PC: variants seen among roughly 807,000 people sequenced by gnomAD.
The protein encoded by PC is pyruvate carboxylase, also known as pyruvate carboxylase, mitochondrial.
PC carries 46 observed loss-of-function variants against 107.8 expected under a neutral mutation model. That is an observed-to-expected ratio of 0.43 (90% CI 0.34 to 0.55). PC has a LOEUF of 0.55. Ranked by LOEUF, PC falls within the 20% of genes least tolerant of loss-of-function variation. The pLI is 0.04. For synonymous variants in PC, 662 were observed against 684.7 expected (o/e 0.97, Z 0.52); for missense variants, 1,241 against 1,643.1 (o/e 0.76, Z 4.23).
At chr11:66,904,594 T>C (rs1453474294) in intron 3 of PC, among the ~76,000 whole-genome samples, 4 of 152,230 alleles carry the variant, frequency 2.6e-5, no homozygotes, top group African/African-American at 4.8e-5. Context: ...GCTGTGATTG[T>C]GCCACCACAC....
chr11:66,878,207 C>T (rs79826208), intron 3 of PC, among the ~76,000 whole-genome samples: 2,029 of 152,244 alleles, frequency 0.013, 45 homozygotes, highest in African/African-American at 0.046. Context: ...CCACTGGCAC[C>T]GAGATTCTCA....
chr11:66,851,130 G>A lies in PC; in HGVS notation c.2133C>T (p.Ala711=), dbSNP rs201327739. 15 of 1,612,770 alleles carry A rather than the reference G, an allele frequency of 9.3e-6. 1 individual carries two copies. The African/African-American group carries it at 1.1e-4, about 11-fold the overall frequency. The part of the protein sequence containing the change: ...EAAISYTGDV[A]DPSRTKYSLQ... ...GTGAGTACTTGGTGCGGCTGGGGTCGGCCACGTCGCCCGTGTATGAGATGG... is the reference window on the plus strand; with the variant it reads ...GTGAGTACTTGGTGCGGCTGGGGTCAGCCACGTCGCCCGTGTATGAGATGG... Residue 711 remains alanine, a synonymous_variant, in exon 17 of 23, where the codon GCC becomes GCT. Transcript: ENST00000393960.
chr11:66,851,166 C>G lies in PC; in HGVS notation c.2097G>C (p.Val699=). ...GMEAAGSAGG[V]VEAAISYTGD... is the part of the protein sequence containing the mutation. ...CCGTGTATGAGATGGCAGCCTCCAC[C>G]ACGCCTCCGGCACTTCCTGCCGCCT... Residue 699 remains valine, a synonymous_variant, in exon 17 of 23, where the codon GTG becomes GTC. Coordinates refer to ENST00000393960, the MANE Select transcript of PC (RefSeq NM_001040716.2). The G allele has an allele frequency of 6.2e-7, 1 of 1,612,206 alleles. No homozygotes were observed. The highest frequency in any genetic ancestry group is 8.5e-7 in the Non-Finnish European group (1 of 1,180,020).
Position 66,858,949 on chromosome 11 carries a change from C to A in PC, c.1368+4825G>T. 6.3e-7 allele frequency: 1 copy of A among 1,577,114 alleles called. No individual in the cohort carries two copies. The stretch of plus-strand genomic sequence containing the variant: ...CGCACTGCTGCCGAGGGTGAGGGGA[C>A]GCTGGAGTCTGAGCCAGCCGTGCAG... On this transcript the variant is annotated intron_variant, in intron 12 of 22. Transcript: ENST00000393960. The surrounding 1 kb of genome is among the most constrained non-coding windows in gnomAD (Gnocchi z 5.9).
rs754703029 is a variant in PC at position 66,871,472 on chromosome 11, G to A, written c.330C>T (p.Asn110=). 9.3e-6 allele frequency: 15 copies of A among 1,613,190 alleles called. No homozygotes were observed. The highest frequency in any genetic ancestry group is 1.6e-4 in the Middle Eastern group (1 of 6,084). ...CGTAGCCAGGGTGCACTGCATCTACGTTGTTCTCCTGCAGGTGGGGGTCAG... is the reference window on the plus strand; with the variant it reads ...CGTAGCCAGGGTGCACTGCATCTACATTGTTCTCCTGCAGGTGGGGGTCAG... ...PDIIKVAKEN[N]VDAVHPGYGF... is the part of the protein sequence containing the mutation. Residue 110 remains asparagine (N), a synonymous_variant, in exon 6 of 23, where the codon AAC becomes AAT. Coordinates refer to ENST00000393960, the MANE Select transcript of PC (RefSeq NM_001040716.2). This position sits in a 1 kb window ranked among gnomAD's most constrained non-coding sequence, Gnocchi z 7.4.
intron 12 of PC, chr11:66,860,780 G>T: frequency 1.4e-6 from 1 of 692,306 alleles, no homozygotes; most frequent in Non-Finnish European, 2.6e-6. Context: ...AGCCTGGGGA[G>T]CACGTGTGAG....
chr11:66,925,865 T>C (rs773440269), intron 3 of PC, among the ~76,000 whole-genome samples: 10 of 151,410 alleles, frequency 6.6e-5, no homozygotes, highest in Non-Finnish European at 1.5e-4. Context: ...TCTTCTGCCA[T>C]GGCTTCAGCG....
At position 66,870,651 on chromosome 11, in the gene PC, C is replaced by G; in HGVS notation, c.751+124G>C. The G allele has an allele frequency of 8.6e-7, 1 of 1,164,598 alleles. No homozygotes were observed. The highest frequency in any genetic ancestry group is 1.3e-6 in the Non-Finnish European group (1 of 786,370). 72.1% of individuals were successfully genotyped at this position (1,164,598 alleles called of 1,614,324 possible). A position where few individuals can be genotyped will look rare whatever the true frequency, so the allele number is the denominator to read the frequency against. ...GCCCCTAGAGCCCACTTTCCAGAGT[C>G]CTCTGGAAAAGCGCCCGACAGGCCC... On this transcript the variant is annotated intron_variant, in intron 8 of 22. Coordinates refer to ENST00000393960, the MANE Select transcript of PC (RefSeq NM_001040716.2). This position sits in a 1 kb window ranked among gnomAD's most constrained non-coding sequence, Gnocchi z 6.1.
intron 1 of PC, among the ~76,000 whole-genome samples, chr11:66,955,251 TAA>T (rs1949532270): frequency 1.3e-5 from 2 of 152,130 alleles, no homozygotes; most frequent in Admixed American, 1.3e-4. Context: ...TGGCTTGGGA[TAA>T]GAGTAGTGAA....
At position 66,851,070 on chromosome 11, in the gene PC, C is replaced by T. The variant is rs779640009; in HGVS notation, c.2193G>A (p.Val731=). Residue 731 remains valine, a synonymous_variant, in exon 17 of 23, where the codon GTG becomes GTA. Transcript: ENST00000393960. ...TGCACAGGATGTGGGTGCCAGCTCG[C>T]ACCAGCTCTTCGGCCAAGCCCATGT... is the stretch of plus-strand genomic sequence containing the variant. ...QYYMGLAEEL[V]RAGTHILCIK... 2 of 1,613,194 alleles carry T rather than the reference C, an allele frequency of 1.2e-6. No individual in the cohort carries two copies. The highest frequency in any genetic ancestry group is 2.2e-5 in the South Asian group (2 of 91,088).
At position 66,850,217 on chromosome 11, in the gene PC, C is replaced by T. The variant is rs770529458; in HGVS notation, c.2718+3G>A. 1 of 1,613,972 alleles carries T rather than the reference C, an allele frequency of 6.2e-7. No individual in the cohort carries two copies. Among genetic ancestry groups the T allele is most frequent in the Non-Finnish European group, 8.5e-7 (1 of 1,180,026 alleles). On this transcript the variant is annotated splice_donor_region_variant and intron_variant, in intron 19 of 22. Coordinates refer to ENST00000393960, the MANE Select transcript of PC (RefSeq NM_001040716.2). ...CAGGTAAGGAGCACCGGGCCGGGCT[C>T]ACCTTGATGAGATCGCCCAGCATCT...
At chr11:66,860,066 C>G in intron 12 of PC, 1 of 1,564,244 alleles carries the variant, frequency 6.4e-7, no homozygotes, top group Non-Finnish European at 8.7e-7. Flanking sequence ...ATGCCGGGTG[C>G]TACGGTTATG....
At chr11:66,885,482 C>T (rs1344002968) in intron 3 of PC, among the ~76,000 whole-genome samples, 1 of 122,136 alleles carries the variant, frequency 8.2e-6, no homozygotes, top group Non-Finnish European at 1.6e-5. Flanking sequence ...CAGTGAGACT[C>T]TGTCTAAAAA....
Position 66,849,826 on chromosome 11 carries a change from G to T in PC, c.2932C>A (p.Pro978Thr). 3 of 1,613,832 alleles carry T rather than the reference G, an allele frequency of 1.9e-6. No individual in the cohort carries two copies. Among genetic ancestry groups the T allele is most frequent in the South Asian group, 1.1e-5 (1 of 91,088 alleles). Residue 978 changes from proline to threonine, a missense_variant, in exon 21 of 23, where the codon CCT (proline) becomes ACT (threonine). Around this residue, in one of 2 missense-constraint regions of PC, gnomAD observed 1,143 missense variants for 1,551.9 expected, o/e 0.74. Coordinates refer to ENST00000393960, the MANE Select transcript of PC (RefSeq NM_001040716.2). The stretch of plus-strand genomic sequence containing the variant: ...TCCAGGGGAGGGAGGGAGGCTCCAG[G>T]CCGCCCCTCCACCCTTGGCAGGTCC... ...LKDLPRVEGR[P>T]GASLPPLDLQ...
Position 66,850,895 on chromosome 11 carries a change from G to A in PC, c.2252C>T (p.Ala751Val). 6.2e-7 allele frequency: 1 copy of A among 1,610,404 alleles called. No homozygotes were observed. Among genetic ancestry groups the A allele is most frequent in the Non-Finnish European group, 8.5e-7 (1 of 1,179,964 alleles). ...KDMAGLLKPTACTMLVSSLRD... is the reference protein window; with the variant it reads ...KDMAGLLKPTVCTMLVSSLRD... ...GAGGGAGCTGACCAGCATGGTGCAG[G>A]CCGTGGGCTTCAGCAGCCCGGCCAT... is the stretch of plus-strand genomic sequence containing the variant. Residue 751 changes from alanine (A) to valine (V), a missense_variant, in exon 18 of 23, where the codon GCC becomes GTC. Ala to Val is a moderately conservative substitution (Grantham distance 64). This residue lies in a region of PC where 1,143 missense variants were observed against 1,551.9 expected (regional missense o/e 0.74). Coordinates refer to ENST00000393960, the MANE Select transcript of PC (RefSeq NM_001040716.2).
At chr11:66,862,473 G>C (rs1177202971) in intron 12 of PC, among the ~76,000 whole-genome samples, 1 of 152,234 alleles carries the variant, frequency 6.6e-6, no homozygotes, top group Admixed American at 6.5e-5. Flanking sequence ...CTCGATGACA[G>C]GCAGGGCTGG....
chr11:66,857,751 C>T lies in PC; in HGVS notation c.1369-4368G>A, dbSNP rs1945954422. 1 of 1,592,354 alleles carries T rather than the reference C, an allele frequency of 6.3e-7. No homozygotes were observed. Among genetic ancestry groups the T allele is most frequent in the Non-Finnish European group, 8.5e-7 (1 of 1,176,072 alleles). ...TTCCTACAGGGCGCTCACCATGGCC[C>T]CGCCGCTCCTGCTGCTGCTGCTGGC... On this transcript the variant is annotated intron_variant, in intron 12 of 22. Transcript: ENST00000393960. The surrounding 1 kb of genome is among the most constrained non-coding windows in gnomAD (Gnocchi z 7.1).
chr11:66,897,570 A>C (rs77920745), intron 3 of PC, among the ~76,000 whole-genome samples: 10,544 of 152,182 alleles, frequency 0.069, 403 homozygotes, highest in African/African-American at 0.095. Context: ...AGACCTGCCT[A>C]CAAAAAATAA....
At chr11:66,854,255 C>T (rs925480400) in intron 12 of PC, among the ~76,000 whole-genome samples, 6 of 152,250 alleles carry the variant, frequency 3.9e-5, no homozygotes, top group East Asian at 1.9e-4. Context: ...ACTTGCCTTG[C>T]GCTCCACACC....
Sources: allele counts gnomAD v4.1 joint callset (sites outside exome capture counted in the v4.1 genomes callset), GRCh38; gene constraint gnomAD v4.1.1; regional missense constraint gnomAD v4.1.1; non-coding constraint Gnocchi (gnomAD v3.1); transcripts MANE v1.5; gene names NCBI Gene and HGNC (gene_info 2026-07-23, HGNC 2026-07-21).